The following PDZRN3 variants were observed in gnomAD, a reference collection of about 807,000 sequenced individuals.
PDZRN3 encodes E3 ubiquitin-protein ligase PDZRN3.
Under a neutral mutation model 85.7 loss-of-function variants are expected in PDZRN3, and 38 were observed. The observed-to-expected ratio is 0.44, with a 90% CI of 0.34 to 0.58. The LOEUF (loss-of-function observed/expected upper bound fraction) is 0.58. Ranked by LOEUF, PDZRN3 falls within the 20% of genes least tolerant of loss-of-function variation. The pLI is 0.01. For missense variants in PDZRN3, 1,629 were observed against 1,506.4 expected (o/e 1.08, Z -1.35); for synonymous variants, 759 against 638.0 (o/e 1.19, Z -2.86).
At chr3:73,408,362 A>C in intron 3 of PDZRN3, 1 of 603,942 alleles carries the variant, frequency 1.7e-6, no homozygotes, top group East Asian at 2.8e-5. Flanking sequence ...ATTTACTAAG[A>C]CTCCAGTGCT....
At chr3:73,497,812 C>A (rs754288041) in intron 3 of PDZRN3, among the ~76,000 whole-genome samples, 26 of 141,994 alleles carry the variant, frequency 1.8e-4, no homozygotes, top group African/African-American at 7.7e-4. Context: ...CCCGTCCCCG[C>A]CCCCGCCAAC....
chr3:73,404,578 T>C (rs1701817356), intron 3 of PDZRN3, 183 bp from the exon 4 acceptor site: 3 of 601,854 alleles, frequency 5.0e-6, no homozygotes, highest in South Asian at 2.1e-5. Flanking sequence ...GAGAGTGAGT[T>C]TGGAGGTATT....
chr3:73,562,996 T>C (rs1353593480), intron 3 of PDZRN3, among the ~76,000 whole-genome samples: 1 of 30,438 alleles, frequency 3.3e-5, no homozygotes, highest in Non-Finnish European at 6.0e-5. Flanking sequence ...TATATATATA[T>C]ATATATATAT....
intron 2 of PDZRN3, among the ~76,000 whole-genome samples, chr3:73,605,023 C>G (rs1199703342): frequency 6.6e-6 from 1 of 152,098 alleles, no homozygotes; most frequent in Admixed American, 6.5e-5. Flanking sequence ...GAATTCAAGA[C>G]CAGCCTGAAC....
At chr3:73,452,625 C>T (rs1367300592) in intron 3 of PDZRN3, among the ~76,000 whole-genome samples, 2 of 152,144 alleles carry the variant, frequency 1.3e-5, no homozygotes, top group African/African-American at 4.8e-5. Context: ...TGGTATTATT[C>T]AGGCATTCAC....
At chr3:73,493,217 C>T (rs907768664) in intron 3 of PDZRN3, among the ~76,000 whole-genome samples, 2 of 152,064 alleles carry the variant, frequency 1.3e-5, no homozygotes, top group African/African-American at 4.8e-5. Context: ...CACCCAAGGT[C>T]TCTCTAGACT....
intron 1 of PDZRN3, among the ~76,000 whole-genome samples, chr3:73,617,937 C>A (rs1465623027): frequency 2.0e-5 from 3 of 152,220 alleles, no homozygotes; most frequent in African/African-American, 7.2e-5. Flanking sequence ...AACTCCTGAC[C>A]TCAAGTGATC....
intron 3 of PDZRN3, among the ~76,000 whole-genome samples, chr3:73,532,125 C>T (rs781474595): frequency 6.6e-6 from 1 of 152,088 alleles, no homozygotes; most frequent in African/African-American, 2.4e-5. Flanking sequence ...CTCAGCCTCC[C>T]GAGTAGCTGG....
intron 3 of PDZRN3, among the ~76,000 whole-genome samples, chr3:73,495,565 T>C (rs889924016): frequency 4.6e-5 from 7 of 152,256 alleles, no homozygotes; most frequent in South Asian, 2.1e-4. Flanking sequence ...TTTAATTCTA[T>C]ACTTTATTTA....
At chr3:73,489,099 C>G (rs1195896728) in intron 3 of PDZRN3, among the ~76,000 whole-genome samples, 1 of 152,176 alleles carries the variant, frequency 6.6e-6, no homozygotes, top group Non-Finnish European at 1.5e-5. Context: ...ATTTCCCCAG[C>G]CCCAGCCAAG....
At chr3:73,396,939 A>G (rs143010730) in intron 5 of PDZRN3, among the ~76,000 whole-genome samples, 2 of 152,278 alleles carry the variant, frequency 1.3e-5, no homozygotes, top group East Asian at 1.9e-4. Flanking sequence ...AAGCAGTCTC[A>G]TAATAACAGA....
At chr3:73,555,753 G>A (rs1701679703) in intron 3 of PDZRN3, among the ~76,000 whole-genome samples, 1 of 152,150 alleles carries the variant, frequency 6.6e-6, no homozygotes, top group Admixed American at 6.5e-5. Context: ...GAGGTGAAAG[G>A]AAAGTCAATG....
At chr3:73,501,535 A>T (rs1158638145) in intron 3 of PDZRN3, among the ~76,000 whole-genome samples, 2 of 152,220 alleles carry the variant, frequency 1.3e-5, no homozygotes, top group African/African-American at 4.8e-5. Context: ...CTAATCTAGC[A>T]ATGGCTCATT....
rs79073594 is a variant in PDZRN3 at position 73,470,973 on chromosome 3, T to C, written c.919-66578A>G. Among the ~76,000 whole-genome samples, 153 of 152,316 alleles carry C rather than the reference T, an allele frequency of 1.0e-3. 4 individuals carry two copies. In the East Asian group the frequency reaches 0.024, roughly 24 times the overall value. On this transcript the variant is annotated intron_variant, in intron 3 of 9. Transcript: ENST00000263666. Reference sequence around the variant, plus strand: ...TTGCAATTTTAAAACTTGATGTCTGTAATGTGTTGAAATGTGCCCCTCCAC... The same window carrying C: ...TTGCAATTTTAAAACTTGATGTCTGCAATGTGTTGAAATGTGCCCCTCCAC...
chr3:73,400,118 C>T (rs1224652951), intron 5 of PDZRN3, among the ~76,000 whole-genome samples: 2 of 152,106 alleles, frequency 1.3e-5, no homozygotes, highest in Non-Finnish European at 2.9e-5. Flanking sequence ...TTTGATGGTA[C>T]CCAAGGGCTT....
chr3:73,468,695 A>G (rs951026290), intron 3 of PDZRN3, among the ~76,000 whole-genome samples: 1 of 152,128 alleles, frequency 6.6e-6, no homozygotes, highest in Non-Finnish European at 1.5e-5. Context: ...GTGTTCTTTA[A>G]TTTTTAAAAG....
At chr3:73,418,212 T>G (rs1423963541) in intron 3 of PDZRN3, among the ~76,000 whole-genome samples, 1 of 152,198 alleles carries the variant, frequency 6.6e-6, no homozygotes, top group Non-Finnish European at 1.5e-5. Context: ...TTTTTAAAAA[T>G]AAGAATGGTG....
rs556028566 is a variant in PDZRN3 at position 73,414,906 on chromosome 3, T to C, written c.919-10511A>G. Among the ~76,000 whole-genome samples the C allele has an allele frequency of 1.4e-4, 21 of 152,354 alleles. 1 individual carries two copies. In the South Asian group the frequency reaches 4.1e-3, roughly 30 times the overall value. ...TCTTCAAAGACTAAAGCCACTTTATTGCAGGAATCATCTTTTGCTTCTTTG... is the reference window on the plus strand; with the variant it reads ...TCTTCAAAGACTAAAGCCACTTTATCGCAGGAATCATCTTTTGCTTCTTTG... On this transcript the variant is annotated intron_variant, in intron 3 of 9. Transcript: ENST00000263666.
intron 3 of PDZRN3, among the ~76,000 whole-genome samples, chr3:73,411,594 C>T (rs1194227642): frequency 7.9e-5 from 12 of 152,110 alleles, no homozygotes; most frequent in East Asian, 1.9e-4. Context: ...TTCACTAGGT[C>T]GGGAGTCCAC....
Sources: gnomAD v4.1 joint callset for allele counts (sites outside exome capture counted in the v4.1 genomes callset) on GRCh38, gnomAD v4.1.1 for gene constraint, MANE v1.5 for transcripts, NCBI Gene and HGNC (gene_info 2026-07-23, HGNC 2026-07-21) for gene names.